The following TENM1 variants were observed in gnomAD, a reference collection of about 807,000 sequenced individuals.
The protein encoded by TENM1 is teneurin-1.
TENM1 carries 35 observed loss-of-function variants against 174.8 expected under a neutral mutation model. That is an observed-to-expected ratio of 0.20 (90% CI 0.15 to 0.27). TENM1 has a LOEUF of 0.27. Among genes scored for constraint, TENM1 ranks in the 10% least tolerant of loss-of-function variants. The pLI, the probability that TENM1 is intolerant of heterozygous loss-of-function variation, is 1.00. For missense variants in TENM1, 1,633 were observed against 2,130.1 expected (o/e 0.77, Z 4.59); for synonymous variants, 781 against 798.7 (o/e 0.98, Z 0.37).
the TENM1 span, among the ~76,000 whole-genome samples, chrX:125,052,253 CA>C: frequency 9.0e-6 from 1 of 111,472 alleles, no homozygotes; most frequent in African/African-American, 3.3e-5. Context: ...GTGAAGCAAA[CA>C]AACCATACTT....
the TENM1 span, among the ~76,000 whole-genome samples, chrX:124,992,067 C>T: frequency 3.6e-5 from 4 of 111,243 alleles, no homozygotes; most frequent in Non-Finnish European, 7.6e-5. Context: ...CCATCATCTC[C>T]TGACAGAGCT....
At chrX:125,200,685 A>G in the TENM1 span, among the ~76,000 whole-genome samples, 2 of 104,054 alleles carry the variant, frequency 1.9e-5, no homozygotes, top group African/African-American at 7.8e-5. Flanking sequence ...GAGAACAAAT[A>G]TGAGTACTAT....
rs934862362 is a variant in TENM1, at chrX:124,539,200, T to C, written c.2651+7674A>G. ...AAAGTCAACAGCAGGCTCCAGTTTC[T>C]GTTAAAATCTATTGCATAGGGGTCC... On this transcript the variant is annotated intron_variant, in intron 15 of 31. Coordinates refer to ENST00000422452, the Ensembl canonical transcript of TENM1. Among the ~76,000 whole-genome samples, 3 of 111,886 alleles carry C rather than the reference T, an allele frequency of 2.7e-5. No homozygotes were observed. The Admixed American group carries it at 2.8e-4, about 11-fold the overall frequency.
At chrX:124,990,330 A>C in the TENM1 span, among the ~76,000 whole-genome samples, 1 of 112,635 alleles carries the variant, frequency 8.9e-6, no homozygotes, top group Non-Finnish European at 1.9e-5. Context: ...AAACAATTTC[A>C]ATTCAAATCC....
intron 11 of TENM1, among the ~76,000 whole-genome samples, chrX:124,582,080 C>A (rs914959404): frequency 9.0e-6 from 1 of 110,948 alleles, no homozygotes; most frequent in Non-Finnish European, 1.9e-5. Flanking sequence ...TGTTCCCCCC[C>A]ATGTCCATGT....
At chrX:125,141,271 T>G in the TENM1 span, among the ~76,000 whole-genome samples, 1 of 111,985 alleles carries the variant, frequency 8.9e-6, no homozygotes, top group Non-Finnish European at 1.9e-5. Context: ...CCATCCATAC[T>G]GAGCAATGCT....
chrX:124,978,033 T>C, the TENM1 span, among the ~76,000 whole-genome samples: 1 of 106,638 alleles, frequency 9.4e-6, no homozygotes, highest in Non-Finnish European at 1.9e-5. Flanking sequence ...ATCTTTTTCC[T>C]CTCTGTTTTT....
At chrX:124,499,216 A>G (rs1019429525) in intron 19 of TENM1, among the ~76,000 whole-genome samples, 1 of 111,415 alleles carries the variant, frequency 9.0e-6, no homozygotes, top group African/African-American at 3.3e-5. Flanking sequence ...ATTTCCTGAA[A>G]TGTCTCTTTA....
chrX:124,738,969 T>C (rs1241885327), intron 3 of TENM1, among the ~76,000 whole-genome samples: 1 of 112,458 alleles, frequency 8.9e-6, no homozygotes, highest in African/African-American at 3.2e-5. Flanking sequence ...TTTTCCTTCA[T>C]AAGATTTAGA....
chrX:125,152,398 CTTAA>C, the TENM1 span, among the ~76,000 whole-genome samples: 103 of 111,843 alleles, frequency 9.2e-4, no homozygotes, highest in Middle Eastern at 4.7e-3. Context: ...TGAAATATTA[CTTAA>C]TTGTCATAAA....
intron 11 of TENM1, among the ~76,000 whole-genome samples, chrX:124,622,682 G>A (rs1602821917): frequency 4.6e-5 from 5 of 109,298 alleles, no homozygotes; most frequent in South Asian, 3.9e-4. Context: ...TTACAGTTTC[G>A]GATGTTTAAT....
the TENM1 span, among the ~76,000 whole-genome samples, chrX:125,035,863 GA>G: frequency 2.7e-5 from 3 of 110,861 alleles, no homozygotes; most frequent in African/African-American, 6.6e-5. Flanking sequence ...CTTGTGAATG[GA>G]GAAGGTGTGC....
the TENM1 span, among the ~76,000 whole-genome samples, chrX:125,085,043 T>G: frequency 1.8e-5 from 2 of 110,510 alleles, no homozygotes; most frequent in Admixed American, 9.7e-5. Context: ...AAAAGCATCA[T>G]TCCTACCCAA....
intron 3 of TENM1, among the ~76,000 whole-genome samples, chrX:124,757,644 G>A (rs938270132): frequency 1.8e-5 from 2 of 112,182 alleles, no homozygotes; most frequent in African/African-American, 3.2e-5. Flanking sequence ...TTGTCACTCA[G>A]TATAATAGTT....
chrX:124,554,518 G>A (rs1043534930), intron 14 of TENM1, among the ~76,000 whole-genome samples: 1 of 112,187 alleles, frequency 8.9e-6, no homozygotes, highest in Middle Eastern at 4.3e-3. Flanking sequence ...AAAATTAAAG[G>A]GGTATGGTGA....
chrX:125,007,333 G>T, the TENM1 span, among the ~76,000 whole-genome samples: 1 of 100,313 alleles, frequency 1.0e-5, no homozygotes, highest in Non-Finnish European at 2.0e-5. Flanking sequence ...AGAGAAAAAA[G>T]AATAAAAAGG....
chrX:124,950,718 A>G (rs2058470606), intron 1 of TENM1, among the ~76,000 whole-genome samples: 1 of 111,771 alleles, frequency 8.9e-6, no homozygotes, highest in African/African-American at 3.3e-5. Context: ...GGGTAGGCTT[A>G]GTGTGGTCCT....
intron 5 of TENM1, among the ~76,000 whole-genome samples, chrX:124,703,692 T>A (rs2148491885): frequency 8.9e-6 from 1 of 112,209 alleles, no homozygotes; most frequent in East Asian, 2.8e-4. Flanking sequence ...AAATCATGTT[T>A]GAGTTGTAGA....
At chrX:125,136,116 A>G in the TENM1 span, among the ~76,000 whole-genome samples, 1 of 111,599 alleles carries the variant, frequency 9.0e-6, no homozygotes, top group Non-Finnish European at 1.9e-5. Flanking sequence ...TTTAGACCTT[A>G]AGGAAGAGAA....
Sources: gnomAD v4.1 joint callset for allele counts (sites outside exome capture counted in the v4.1 genomes callset) on GRCh38, gnomAD v4.1.1 for gene constraint, MANE v1.5 for transcripts, NCBI Gene and HGNC (gene_info 2026-07-23, HGNC 2026-07-21) for gene names.